Variants in LRP1B observed in about 807,000 individuals in gnomAD.
LRP1B encodes the protein LDL receptor related protein 1B.
LRP1B carries 217 observed loss-of-function variants against 556.6 expected under a neutral mutation model. The ratio of observed to expected loss-of-function variants is 0.39; its 90% CI spans 0.35 to 0.44. The LOEUF (loss-of-function observed/expected upper bound fraction) is 0.44, where lower values mean the gene tolerates loss of function less well. LRP1B is among the 20% of genes least tolerant of loss of function. The probability of loss-of-function intolerance (pLI) is 1.00; values close to 1 mark genes in which losing one functional copy is unlikely to be tolerated. For missense variants in LRP1B, 5,053 were observed against 5,620.8 expected, an observed-to-expected ratio of 0.90 and a Z score of 3.23; for synonymous variants, 2,047 against 1,865.8, an observed-to-expected ratio of 1.10 and a Z score of -2.50.
At chr2:141,122,484 C>T (rs78595403) in intron 7 of LRP1B, among the ~76,000 whole-genome samples, 1 of 150,966 alleles carries the variant, frequency 6.6e-6, no homozygotes, top group Non-Finnish European at 1.5e-5. Context: ...ATGCAGCCAA[C>T]AGACACATGA....
chr2:141,127,125 CTG>C (rs1701235246), intron 7 of LRP1B, among the ~76,000 whole-genome samples: 1 of 151,946 alleles, frequency 6.6e-6, no homozygotes, highest in Non-Finnish European at 1.5e-5. Context: ...TTTTCTATGC[CTG>C]TGTTAGCTTG....
chr2:141,853,681 G>A (rs1364370046), intron 1 of LRP1B, among the ~76,000 whole-genome samples: 1 of 151,734 alleles, frequency 6.6e-6, no homozygotes, highest in Non-Finnish European at 1.5e-5. Flanking sequence ...TTACATCATT[G>A]TCAAATGAAC....
At chr2:141,395,449 C>G (rs1365332511) in intron 3 of LRP1B, among the ~76,000 whole-genome samples, 1 of 151,998 alleles carries the variant, frequency 6.6e-6, no homozygotes, top group Non-Finnish European at 1.5e-5. Flanking sequence ...TAAGTTATAC[C>G]AGACAGATAT....
intron 6 of LRP1B, among the ~76,000 whole-genome samples, chr2:141,190,764 T>C (rs987338156): frequency 6.6e-6 from 1 of 152,000 alleles, no homozygotes; most frequent in Non-Finnish European, 1.5e-5. Flanking sequence ...GAACTTAGAA[T>C]GAATCTATGA....
intron 2 of LRP1B, among the ~76,000 whole-genome samples, chr2:141,772,547 C>A (rs1223732124): frequency 6.6e-6 from 1 of 152,132 alleles, no homozygotes; most frequent in Admixed American, 6.5e-5. Context: ...GGATAGGGTC[C>A]GGCGCTGGTG....
At chr2:141,607,698 T>C (rs951831206) in intron 2 of LRP1B, among the ~76,000 whole-genome samples, 3 of 148,528 alleles carry the variant, frequency 2.0e-5, no homozygotes, top group African/African-American at 7.5e-5. Context: ...GCAGGAGGAT[T>C]GATTGTTTGA....
chr2:140,821,061 T>C (rs1315162293), intron 31 of LRP1B, among the ~76,000 whole-genome samples: 1 of 152,160 alleles, frequency 6.6e-6, no homozygotes, highest in African/African-American at 2.4e-5. Context: ...ATGAGCATAG[T>C]ACTCATGAAA....
At chr2:140,327,180 G>T (rs1027348652) in intron 79 of LRP1B, among the ~76,000 whole-genome samples, 4 of 152,076 alleles carry the variant, frequency 2.6e-5, no homozygotes, top group Admixed American at 6.6e-5. Context: ...TAATGGCAAC[G>T]CAACTGAATG....
At chr2:141,527,589 A>T (rs1684732022) in intron 2 of LRP1B, among the ~76,000 whole-genome samples, 1 of 152,098 alleles carries the variant, frequency 6.6e-6, no homozygotes, top group South Asian at 2.1e-4. Flanking sequence ...AAGCAAACAA[A>T]CATTATTGAA....
intron 2 of LRP1B, among the ~76,000 whole-genome samples, chr2:141,617,051 T>C (rs781736739): frequency 1.9e-4 from 29 of 152,194 alleles, no homozygotes; most frequent in Non-Finnish European, 4.0e-4. Flanking sequence ...CTGAAGTTAG[T>C]ATTATTCAGT....
chr2:140,790,205 G>A (rs1013532402), intron 32 of LRP1B, among the ~76,000 whole-genome samples: 2 of 152,018 alleles, frequency 1.3e-5, no homozygotes, highest in Non-Finnish European at 2.9e-5. Context: ...CCCTGCAAAA[G>A]TATAACATAG....
At chr2:140,793,361 G>A (rs1690188452) in intron 32 of LRP1B, among the ~76,000 whole-genome samples, 1 of 151,784 alleles carries the variant, frequency 6.6e-6, no homozygotes, top group South Asian at 2.1e-4. Flanking sequence ...ACTTTAATCT[G>A]GTTTGAGCAC....
chr2:141,171,728 C>T (rs535246832), intron 7 of LRP1B, among the ~76,000 whole-genome samples: 2 of 152,132 alleles, frequency 1.3e-5, no homozygotes, highest in East Asian at 1.9e-4. Context: ...CTGACTGAAA[C>T]ATTTACTAGC....
intron 11 of LRP1B, among the ~76,000 whole-genome samples, chr2:141,030,145 G>A (rs1214637011): frequency 2.0e-5 from 3 of 152,044 alleles, no homozygotes; most frequent in Admixed American, 6.6e-5. Flanking sequence ...AACTGCATAA[G>A]AATATTCAGT....
At chr2:141,772,866 G>A (rs1293848683) in intron 2 of LRP1B, among the ~76,000 whole-genome samples, 1 of 152,126 alleles carries the variant, frequency 6.6e-6, no homozygotes, top group African/African-American at 2.4e-5. Flanking sequence ...AGGCTTCTCA[G>A]TTCTTTCTAC....
intron 1 of LRP1B, among the ~76,000 whole-genome samples, chr2:142,085,908 G>A (rs915030968): frequency 3.9e-5 from 6 of 152,100 alleles, no homozygotes; most frequent in Non-Finnish European, 5.9e-5. Flanking sequence ...TGGAGCTCTG[G>A]GCATATATAT....
rs571333350 is a variant in LRP1B at position 141,237,444 on chromosome 2, A to G, written c.593-8004T>C. Among the ~76,000 whole-genome samples the G allele has an allele frequency of 4.0e-5, 6 of 151,264 alleles. No homozygotes were observed. In the East Asian group the frequency reaches 1.2e-3, roughly 29 times the overall value. On this transcript the variant is annotated intron_variant, in intron 5 of 90. Coordinates refer to ENST00000389484, the MANE Select transcript of LRP1B (RefSeq NM_018557.3). ...TGGTCTCAAACTCCTGGTCTCAAGCAATCCTCCTTCCTTGGCCTCCCAAAG... is the reference window on the plus strand; with the variant it reads ...TGGTCTCAAACTCCTGGTCTCAAGCGATCCTCCTTCCTTGGCCTCCCAAAG...
rs138168627 is a variant in LRP1B at position 141,942,359 on chromosome 2, T to C, written c.83-131958A>G. On this transcript the variant is annotated intron_variant, in intron 1 of 90. Transcript: ENST00000389484. ...TAGCAGTTTGAAGCCAACCTTTTTA[T>C]TGGTAAATTATGCATTTACTAAATC... Among the ~76,000 whole-genome samples the C allele has an allele frequency of 8.7e-3, 1,299 of 148,800 alleles. 20 individuals are homozygous for C. The highest frequency in any genetic ancestry group is 0.03 in the African/African-American group (1,195 of 40,296).
chr2:141,578,396 C>CA (rs554339088), intron 2 of LRP1B, among the ~76,000 whole-genome samples: 1,167 of 72,758 alleles, frequency 0.016, 8 homozygotes, highest in South Asian at 0.027. Flanking sequence ...GAGTCCTTCT[C>CA]AAAAAAAAAA....
Sources: gnomAD v4.1 joint callset for allele counts (sites outside exome capture counted in the v4.1 genomes callset) on GRCh38, gnomAD v4.1.1 for gene constraint, MANE v1.5 for transcripts, NCBI Gene and HGNC (gene_info 2026-07-23, HGNC 2026-07-21) for gene names.